ZC3H4: variants seen among roughly 807,000 people sequenced by gnomAD.
ZC3H4 encodes the protein zinc finger CCCH domain-containing protein 4.
Under a neutral mutation model 108.3 loss-of-function variants are expected in ZC3H4, and 13 were observed. That is an observed-to-expected ratio of 0.12 (90% CI 0.08 to 0.19). ZC3H4 has a LOEUF of 0.19. Among genes scored for constraint, ZC3H4 ranks in the 10% least tolerant of loss-of-function variants. The pLI, the probability that ZC3H4 is intolerant of heterozygous loss-of-function variation, is 1.00. For missense variants in ZC3H4, 1,734 were observed against 1,838.8 expected, an observed-to-expected ratio of 0.94 and a Z score of 1.04; for synonymous variants, 917 against 749.6, an observed-to-expected ratio of 1.22 and a Z score of -3.65.
Position 47,085,064 on chromosome 19 carries a change from C to T in ZC3H4, c.1099G>A (p.Asp367Asn). Reference protein sequence around the residue: ...MNDDEDFYDEDMGDGGGGSYR... With the variant: ...MNDDEDFYDENMGDGGGGSYR... ...GAGTGGAGTCAACTCACGCCCATGT[C>T]CTCGTCATAGAAGTCTTCGTCATCG... Residue 367 changes from aspartate to asparagine, a missense_variant, in exon 8 of 15, where the codon GAC becomes AAC. Physicochemically the swap from Asp to Asn is conservative, Grantham distance 23. Around this residue, in one of 9 missense-constraint regions of ZC3H4, gnomAD observed 403 missense variants for 457.0 expected, o/e 0.88. Transcript: ENST00000253048. 1 of 1,614,198 alleles carries T rather than the reference C, an allele frequency of 6.2e-7. No homozygotes were observed. Among genetic ancestry groups the T allele is most frequent in the South Asian group, 1.1e-5 (1 of 91,086 alleles).
intron 2 of ZC3H4, among the ~76,000 whole-genome samples, chr19:47,105,352 T>C (rs1294909925): frequency 6.6e-6 from 1 of 152,110 alleles, no homozygotes; most frequent in Non-Finnish European, 1.5e-5. Flanking sequence ...TGTAATCCTA[T>C]CACTTTGGGA....
At chr19:47,068,405 T>C (rs2057259539) in intron 14 of ZC3H4, among the ~76,000 whole-genome samples, 1 of 152,164 alleles carries the variant, frequency 6.6e-6, no homozygotes, top group African/African-American at 2.4e-5. Context: ...CGGCTCGTGA[T>C]GTCCCCATGT....
At chr19:47,070,468 T>C (rs1422416719) in intron 13 of ZC3H4, among the ~76,000 whole-genome samples, 2 of 152,006 alleles carry the variant, frequency 1.3e-5, no homozygotes, top group Non-Finnish European at 2.9e-5. Context: ...TTTTATGAAA[T>C]GGGATTATTC....
intron 11 of ZC3H4, among the ~76,000 whole-genome samples, chr19:47,079,880 CTG>C (rs1189850846): frequency 6.6e-6 from 1 of 152,110 alleles, no homozygotes; most frequent in East Asian, 1.9e-4. Flanking sequence ...GAGTGAGACT[CTG>C]TATCAAAAAA....
intron 2 of ZC3H4, among the ~76,000 whole-genome samples, chr19:47,095,820 G>T (rs1432112365): frequency 1.3e-5 from 2 of 152,164 alleles, no homozygotes; most frequent in African/African-American, 4.8e-5. Flanking sequence ...CCACAAAAAG[G>T]CTTGCGTGAG....
rs369699 is a variant in ZC3H4 at position 47,072,001 on chromosome 19, G to A, written c.1923C>T (p.His641=). 3 of 1,596,570 alleles carry A rather than the reference G, an allele frequency of 1.9e-6. No individual in the cohort carries two copies. The highest frequency in any genetic ancestry group is 2.6e-6 in the Non-Finnish European group (3 of 1,171,242). ...CGTGCATGTCTGCGTGCATGTCAGG[G>A]TGCATGTCCGGGTGCATGTCGGGGT... ...DMHPDMHPDM[H]PDMHADMHAD... is the part of the protein sequence containing the mutation. Residue 641 remains histidine, a synonymous_variant, in exon 13 of 15, where the codon CAC becomes CAT. Transcript: ENST00000253048. This position sits in a 1 kb window ranked among gnomAD's most constrained non-coding sequence, Gnocchi z 5.6.
chr19:47,069,684 G>T (rs967492444), intron 13 of ZC3H4, among the ~76,000 whole-genome samples: 1 of 152,198 alleles, frequency 6.6e-6, no homozygotes, highest in African/African-American at 2.4e-5. Context: ...GGAGAGGCCA[G>T]GGATTTCTGT....
rs201967193 is a variant in ZC3H4, at chr19:47,072,718, G to A, written c.1441-5C>T. On this transcript the variant is annotated splice_polypyrimidine_tract_variant and splice_region_variant and intron_variant, in intron 11 of 14. Transcript: ENST00000253048. The surrounding 1 kb of genome is among the most constrained non-coding windows in gnomAD (Gnocchi z 5.6). Reference sequence around the variant, plus strand: ...TTCTGCATCATCGGCCAACATCTGCGGGTGTGAAAGAACAAAAGAAGGTGT... The same window carrying A: ...TTCTGCATCATCGGCCAACATCTGCAGGTGTGAAAGAACAAAAGAAGGTGT... The A allele has an allele frequency of 3.8e-3, 6,168 of 1,613,264 alleles. 97 individuals are homozygous for A. Among genetic ancestry groups the A allele is most frequent in the South Asian group, 0.036 (3,318 of 91,018 alleles).
intron 9 of ZC3H4, among the ~76,000 whole-genome samples, chr19:47,082,561 C>T (rs945282787): frequency 2.0e-5 from 3 of 152,332 alleles, no homozygotes; most frequent in Non-Finnish European, 4.4e-5. Flanking sequence ...GATCCTCCCA[C>T]TTTGGCCTCC....
chr19:47,080,468 C>T (rs551538225), intron 11 of ZC3H4, among the ~76,000 whole-genome samples: 4 of 152,152 alleles, frequency 2.6e-5, no homozygotes, highest in South Asian at 2.1e-4. Flanking sequence ...AAAATACAAT[C>T]CTTGCCTCGT....
chr19:47,082,610 G>A (rs1264517575), intron 9 of ZC3H4, among the ~76,000 whole-genome samples: 1 of 152,090 alleles, frequency 6.6e-6, no homozygotes, highest in African/African-American at 2.4e-5. Flanking sequence ...ACCAAGCCTG[G>A]GTACTTCCTG....
chr19:47,094,023 G>T lies in ZC3H4; in HGVS notation c.439C>A (p.Pro147Thr). The change falls in exon 4 of 15, where the codon CCC (proline) becomes ACC (threonine). Residue 147 changes from proline to threonine, a missense_variant. Coordinates refer to ENST00000253048, the MANE Select transcript of ZC3H4 (RefSeq NM_015168.2). ...SDFSDDSDFS[P>T]SEKGHRKYRE... is the part of the protein sequence containing the mutation. ...TACTTGCGGTGACCTTTCTCACTGG[G>T]GCTGAAATCCGAGTCATCTGAGAAG... The T allele has an allele frequency of 6.2e-7, 1 of 1,614,140 alleles. No homozygotes were observed. Among genetic ancestry groups the T allele is most frequent in the Non-Finnish European group, 8.5e-7 (1 of 1,180,026 alleles).
chr19:47,087,439 A>T (rs962823689), intron 5 of ZC3H4, among the ~76,000 whole-genome samples: 11 of 145,666 alleles, frequency 7.6e-5, no homozygotes, highest in Admixed American at 2.7e-4. Flanking sequence ...TCTTCACTTA[A>T]AAAAAAAAAG....
intron 11 of ZC3H4, among the ~76,000 whole-genome samples, chr19:47,076,250 A>G (rs143578923): frequency 8.4e-4 from 128 of 152,348 alleles, no homozygotes; most frequent in Admixed American, 1.6e-3. Flanking sequence ...GTTACTTGCA[A>G]CAACGGGTGA....
chr19:47,104,057 G>T (rs55982718), intron 2 of ZC3H4, among the ~76,000 whole-genome samples: 1 of 152,188 alleles, frequency 6.6e-6, no homozygotes, highest in Admixed American at 6.5e-5. Context: ...AGTGGCTCAC[G>T]CCTGTAATCC....
At chr19:47,069,370 A>G (rs928000830) in intron 13 of ZC3H4, 27 bp from the exon 14 acceptor site, 3 of 1,603,864 alleles carry the variant, frequency 1.9e-6, no homozygotes, top group Admixed American at 3.4e-5. Context: ...CCGAGGGTTC[A>G]TGTCGGGAAG....
chr19:47,066,598 TGGGCCG>T lies in ZC3H4; in HGVS notation c.3664_3669del (p.Arg1222_Pro1223del). The T allele has an allele frequency of 6.2e-7, 1 of 1,603,502 alleles. No homozygotes were observed. The highest frequency in any genetic ancestry group is 8.5e-7 in the Non-Finnish European group (1 of 1,174,864). ...GTGGCAGCGGGGGCTGCAGCAGCCT[TGGGCCG>T]GGGCCGGTTGTAGCTGTTGTATCTG... On this transcript the variant is annotated inframe_deletion, in exon 15 of 15. Coordinates refer to ENST00000253048, the MANE Select transcript of ZC3H4 (RefSeq NM_015168.2).
chr19:47,111,627 G>C, intron 2 of ZC3H4, among the ~76,000 whole-genome samples: 1 of 135,854 alleles, frequency 7.4e-6, no homozygotes, highest in Middle Eastern at 3.6e-3. Flanking sequence ...GCAAAAACAC[G>C]GGGAAGAGTC....
intron 2 of ZC3H4, among the ~76,000 whole-genome samples, chr19:47,108,747 G>A (rs1264127712): frequency 2.0e-5 from 3 of 152,188 alleles, no homozygotes; most frequent in Non-Finnish European, 4.4e-5. Flanking sequence ...TCTACTTAGA[G>A]AAAACTATGG....
Sources: gnomAD v4.1 joint callset for allele counts (sites outside exome capture counted in the v4.1 genomes callset) on GRCh38, gnomAD v4.1.1 for gene constraint, gnomAD v4.1.1 regional missense constraint, Gnocchi (gnomAD v3.1) non-coding constraint, MANE v1.5 for transcripts, NCBI Gene and HGNC (gene_info 2026-07-23, HGNC 2026-07-21) for gene names.